The following CREB3L1 variants were observed in gnomAD, a reference collection of about 807,000 sequenced individuals.
The protein encoded by CREB3L1 is cAMP responsive element binding protein 3 like 1.
CREB3L1 carries 33 observed loss-of-function variants against 54.5 expected under a neutral mutation model. The observed-to-expected ratio is 0.61, with a 90% confidence interval of 0.46 to 0.81. The LOEUF is 0.81. Among genes scored for constraint, CREB3L1 ranks in the 30% least tolerant of loss-of-function variants. CREB3L1 has a pLI of 0.00. For missense variants in CREB3L1, 656 were observed against 673.3 expected (o/e 0.97, Z 0.29); for synonymous variants, 284 against 286.4 (o/e 0.99, Z 0.08).
intron 2 of CREB3L1, 90 bp from the exon 3 acceptor site, chr11:46,307,726 C>T (rs1210782005): frequency 1.7e-6 from 2 of 1,160,064 alleles, no homozygotes; most frequent in African/African-American, 3.1e-5. Flanking sequence ...TAACAGCTCT[C>T]TTCAGTTCAG....
chr11:46,284,375 G>A (rs769460865), intron 1 of CREB3L1, among the ~76,000 whole-genome samples: 4 of 152,126 alleles, frequency 2.6e-5, no homozygotes, highest in Non-Finnish European at 4.4e-5. Context: ...TTCTGGCCAG[G>A]CATGGTAGCT....
chr11:46,316,559 A>G (rs1395714988), intron 9 of CREB3L1, among the ~76,000 whole-genome samples, 174 bp downstream of exon 9: 1 of 152,134 alleles, frequency 6.6e-6, no homozygotes, highest in Non-Finnish European at 1.5e-5. Flanking sequence ...TCCTTCTCCA[A>G]GCCCATGGTG....
chr11:46,292,088 G>T (rs1190751267), intron 1 of CREB3L1, among the ~76,000 whole-genome samples: 1 of 152,200 alleles, frequency 6.6e-6, no homozygotes, highest in South Asian at 2.1e-4. Flanking sequence ...ACAGGGTCTG[G>T]GGGGACAGCA....
At chr11:46,286,259 A>G (rs903388601) in intron 1 of CREB3L1, among the ~76,000 whole-genome samples, 5 of 152,148 alleles carry the variant, frequency 3.3e-5, no homozygotes, top group Admixed American at 3.3e-4. Flanking sequence ...GATAGATAGT[A>G]AAAGAAAGGA....
intron 1 of CREB3L1, among the ~76,000 whole-genome samples, chr11:46,299,099 A>G (rs1939254069): frequency 6.6e-6 from 1 of 152,100 alleles, no homozygotes; most frequent in Non-Finnish European, 1.5e-5. Context: ...TTTAATTGCC[A>G]GGTATTTAAC....
intron 9 of CREB3L1, among the ~76,000 whole-genome samples, chr11:46,317,082 C>A (rs1259258815): frequency 1.3e-5 from 2 of 152,210 alleles, no homozygotes; most frequent in East Asian, 1.9e-4. Flanking sequence ...GATTCCTCTA[C>A]CCCGTAAGGG....
intron 1 of CREB3L1, among the ~76,000 whole-genome samples, chr11:46,293,031 G>A (rs2136340456): frequency 6.6e-6 from 1 of 152,314 alleles, no homozygotes; most frequent in Non-Finnish European, 1.5e-5. Flanking sequence ...CCTTTTGAGA[G>A]CAGGAACTGG....
At chr11:46,291,388 T>C (rs1317502444) in intron 1 of CREB3L1, among the ~76,000 whole-genome samples, 10 of 152,130 alleles carry the variant, frequency 6.6e-5, no homozygotes, top group Admixed American at 6.5e-4. Flanking sequence ...AGCAACCTGG[T>C]GGGGTGGATA....
At chr11:46,282,980 G>C (rs1478318510) in intron 1 of CREB3L1, among the ~76,000 whole-genome samples, 4 of 152,166 alleles carry the variant, frequency 2.6e-5, no homozygotes, top group Admixed American at 6.5e-5. Flanking sequence ...TTGAGCCCAG[G>C]AGTTCAAGAC....
rs1939564518 is a variant in CREB3L1 at position 46,316,279 on chromosome 11, T to C, written c.1032-7T>C. 1.9e-6 allele frequency: 3 copies of C among 1,548,080 alleles called. No individual in the cohort carries two copies. Among genetic ancestry groups the C allele is most frequent in the Non-Finnish European group, 2.6e-6 (3 of 1,142,134 alleles). ...AGCCTGCCAGCTGACTGCTGTGCCC[T>C]CCTCAGGACCCTGCTCCAGCAGCTG... On this transcript the variant is annotated splice_region_variant and splice_polypyrimidine_tract_variant and intron_variant, in intron 8 of 11. Transcript: ENST00000621158.
chr11:46,293,159 C>T, intron 1 of CREB3L1, among the ~76,000 whole-genome samples: 1 of 152,244 alleles, frequency 6.6e-6, no homozygotes, highest in East Asian at 1.9e-4. Context: ...TCTCCAGAGG[C>T]CCCTGCGCCA....
Position 46,295,729 on chromosome 11 carries a change from C to T in CREB3L1, c.103-4206C>T, listed in dbSNP as rs1680977255. 2.0e-5 allele frequency among the ~76,000 whole-genome samples: 3 copies of T among 152,230 alleles called. No homozygotes were observed. The South Asian group carries it at 6.2e-4, about 31-fold the overall frequency. Reference sequence around the variant, plus strand: ...GGCCGGATTCCGGTGAGGGGCGGCCCCGGGTGTTCCCGGGTTAACCCTTTG... The same window carrying T: ...GGCCGGATTCCGGTGAGGGGCGGCCTCGGGTGTTCCCGGGTTAACCCTTTG... On this transcript the variant is annotated intron_variant, in intron 1 of 11. Transcript: ENST00000621158. This position sits in a 1 kb window ranked among gnomAD's most constrained non-coding sequence, Gnocchi z 4.6.
chr11:46,292,293 G>C (rs1045898327), intron 1 of CREB3L1, among the ~76,000 whole-genome samples: 1 of 152,204 alleles, frequency 6.6e-6, no homozygotes, highest in African/African-American at 2.4e-5. Flanking sequence ...AGCAAGATTC[G>C]GGACGGTCAT....
chr11:46,296,719 C>T lies in CREB3L1; in HGVS notation c.103-3216C>T, dbSNP rs1939215974. On this transcript the variant is annotated intron_variant, in intron 1 of 11. Coordinates refer to ENST00000621158, the MANE Select transcript of CREB3L1 (RefSeq NM_052854.4). Reference sequence around the variant, plus strand: ...TGAAGAAGCCCGGCGCAAAGAGGACCTGGGCGTCGGAGTGTCCTCCACCCC... The same window carrying T: ...TGAAGAAGCCCGGCGCAAAGAGGACTTGGGCGTCGGAGTGTCCTCCACCCC... Among the ~76,000 whole-genome samples the T allele has an allele frequency of 2.6e-5, 4 of 152,292 alleles. No individual in the cohort carries two copies. In the Middle Eastern group the frequency reaches 0.01, roughly 389 times the overall value.
intron 1 of CREB3L1, among the ~76,000 whole-genome samples, chr11:46,296,382 A>G (rs1939211170): frequency 6.6e-6 from 1 of 152,064 alleles, no homozygotes; most frequent in Non-Finnish European, 1.5e-5. Context: ...CTCACTTTGC[A>G]GCCCCGGACA....
In CREB3L1 at chr11:46,278,160, T is replaced by C; in HGVS notation, c.49T>C (p.Ser17Pro). The part of the protein sequence containing the change: ...PFPADRLFPG[S>P]SFLDLGDLNE... ...CCCGGCCGACAGGCTGTTCCCCGGA[T>C]CCAGCTTCCTGGACTTGGGGGATCT... The change falls in exon 1 of 12, where the codon TCC (serine) becomes CCC (proline). Residue 17 changes from serine to proline, a missense_variant. Physicochemically the swap from Ser to Pro is moderately conservative, Grantham distance 74 (BLOSUM62 -1). This residue lies in a region of CREB3L1 where 339 missense variants were observed against 331.5 expected (regional missense o/e 1.02). Transcript: ENST00000621158. This position sits in a 1 kb window ranked among gnomAD's most constrained non-coding sequence, Gnocchi z 4.2. The C allele has an allele frequency of 1.9e-6, 3 of 1,576,068 alleles. No homozygotes were observed. The highest frequency in any genetic ancestry group is 2.6e-6 in the Non-Finnish European group (3 of 1,161,016).
chr11:46,307,453 T>C (rs1939415053), intron 2 of CREB3L1, among the ~76,000 whole-genome samples: 1 of 152,186 alleles, frequency 6.6e-6, no homozygotes, highest in South Asian at 2.1e-4. Flanking sequence ...CTTATGTACA[T>C]TATACTACTT....
Position 46,295,910 on chromosome 11 carries a change from C to T in CREB3L1, c.103-4025C>T, listed in dbSNP as rs756421220. On this transcript the variant is annotated intron_variant, in intron 1 of 11. Coordinates refer to ENST00000621158, the MANE Select transcript of CREB3L1 (RefSeq NM_052854.4). The surrounding 1 kb of genome is among the most constrained non-coding windows in gnomAD (Gnocchi z 4.6). ...AACCTCTCCTCCAAGGGAGGGAAGC[C>T]GGCGCCGGCTGCGCGTGACAGCCGA... is the stretch of plus-strand genomic sequence containing the variant. 1.3e-5 allele frequency among the ~76,000 whole-genome samples: 2 copies of T among 152,202 alleles called. No individual in the cohort carries two copies. The highest frequency in any genetic ancestry group is 4.8e-5 in the African/African-American group (2 of 41,452).
chr11:46,292,516 C>A (rs12270100), intron 1 of CREB3L1, among the ~76,000 whole-genome samples: 4,084 of 152,244 alleles, frequency 0.027, 190 homozygotes, highest in African/African-American at 0.092. Flanking sequence ...TGAAGCTACA[C>A]CAAGGAACCT....
Sources: allele counts gnomAD v4.1 joint callset (sites outside exome capture counted in the v4.1 genomes callset), GRCh38; gene constraint gnomAD v4.1.1; regional missense constraint gnomAD v4.1.1; non-coding constraint Gnocchi (gnomAD v3.1); transcripts MANE v1.5; gene names NCBI Gene and HGNC (gene_info 2026-07-23, HGNC 2026-07-21).